TMCO5A: variants seen among roughly 807,000 people sequenced by gnomAD.
The protein encoded by TMCO5A is transmembrane and coiled-coil domains 5A, also known as transmembrane and coiled-coil domain-containing protein 5A.
A neutral mutation model predicts 42.3 loss-of-function variants in TMCO5A; 34 were observed. That is an observed-to-expected ratio of 0.80 (90% CI 0.61 to 1.07). The LOEUF (loss-of-function observed/expected upper bound fraction) is 1.07, where lower values mean the gene tolerates loss of function less well. Among genes scored for constraint, TMCO5A ranks in the 50% least tolerant of loss-of-function variants. The pLI, the probability that TMCO5A is intolerant of heterozygous loss-of-function variation, is 0.00. For synonymous variants in TMCO5A, 131 were observed against 115.6 expected (o/e 1.13, Z -0.86); for missense variants, 357 against 327.9 (o/e 1.09, Z -0.69).
chr15:37,967,882 G>T (rs9806760), downstream of TMCO5A, among the ~76,000 whole-genome samples: 2,065 of 152,222 alleles, frequency 0.014, 48 homozygotes, highest in East Asian at 0.054. Context: ...CACTGCCATT[G>T]CTTTGTGAGA....
chr15:37,961,968 A>G (rs1455447470), intron 11 of TMCO5A, among the ~76,000 whole-genome samples: 1 of 152,114 alleles, frequency 6.6e-6, no homozygotes, highest in Non-Finnish European at 1.5e-5. Flanking sequence ...AAGGTAAACA[A>G]TCATATCATC....
chr15:37,984,317 G>C, the TMCO5A span, among the ~76,000 whole-genome samples: 1 of 152,122 alleles, frequency 6.6e-6, no homozygotes, highest in African/African-American at 2.4e-5. Flanking sequence ...TCACAACTGG[G>C]AGACAGAGAA....
the TMCO5A span, among the ~76,000 whole-genome samples, chr15:37,980,207 G>C: frequency 4.0e-5 from 6 of 150,720 alleles, no homozygotes; most frequent in African/African-American, 1.5e-4. Context: ...GTGGAGGTAA[G>C]GCCTGCGGTC....
intron 6 of TMCO5A, among the ~76,000 whole-genome samples, 174 bp downstream of exon 6, chr15:37,938,403 T>C (rs572075032): frequency 4.7e-4 from 71 of 152,178 alleles, no homozygotes; most frequent in Middle Eastern, 3.4e-3. Flanking sequence ...GTAAGGAATG[T>C]CACTTTTTAG....
chr15:38,024,428 G>C, the TMCO5A span, among the ~76,000 whole-genome samples: 2 of 152,198 alleles, frequency 1.3e-5, no homozygotes, highest in African/African-American at 4.8e-5. Context: ...GTATAAGCAA[G>C]AGATGAAAAG....
chr15:37,968,099 C>T (rs559365509), downstream of TMCO5A, among the ~76,000 whole-genome samples: 4 of 152,328 alleles, frequency 2.6e-5, 1 homozygote, highest in East Asian at 5.8e-4. Context: ...GGATTTCATT[C>T]TTCAGTGCTA....
rs769083737 is a variant in TMCO5A, at chr15:37,951,190, T to A, written c.823T>A (p.Phe275Ile). Residue 275 changes from phenylalanine to isoleucine, a missense_variant, in exon 12 of 12, where the codon TTT becomes ATT. Physicochemically the swap from Phe to Ile is conservative, Grantham distance 21. Transcript: ENST00000319669. ...STLWKLRCFF[F>I]PSLTLETEDM... ...CTTGTGGAAGCTCAGATGCTTCTTC[T>A]TTCCATCTCTCACACTTGAGACAGA... 1 of 1,613,882 alleles carries A rather than the reference T, an allele frequency of 6.2e-7. No individual in the cohort carries two copies. Among genetic ancestry groups the A allele is most frequent in the Non-Finnish European group, 8.5e-7 (1 of 1,179,854 alleles).
At chr15:37,952,698 G>C (rs1890189076), downstream of TMCO5A, among the ~76,000 whole-genome samples, 1 of 152,178 alleles carries the variant, frequency 6.6e-6, no homozygotes, top group African/African-American at 2.4e-5. Flanking sequence ...AGAGGAAAAA[G>C]CAAAGTGGAC....
At chr15:37,958,331 AATCT>A (rs1890342498) in intron 11 of TMCO5A, among the ~76,000 whole-genome samples, 2 of 152,160 alleles carry the variant, frequency 1.3e-5, no homozygotes, top group Non-Finnish European at 1.5e-5. Flanking sequence ...AAATTTTTGC[AATCT>A]ATCTATCTGA....
the TMCO5A span, among the ~76,000 whole-genome samples, chr15:37,986,423 G>GTGTT: frequency 3.4e-5 from 5 of 147,038 alleles, no homozygotes; most frequent in Admixed American, 2.0e-4. Context: ...GTGTGTGTGT[G>GTGTT]TTTAAATCAA....
the TMCO5A span, among the ~76,000 whole-genome samples, chr15:37,976,210 A>G: frequency 6.7e-6 from 1 of 150,260 alleles, no homozygotes; most frequent in Admixed American, 6.7e-5. Context: ...GTACCACCGC[A>G]CTCCAGCCTG....
chr15:37,939,479 C>T (rs1348358641), intron 6 of TMCO5A, among the ~76,000 whole-genome samples: 1 of 152,092 alleles, frequency 6.6e-6, no homozygotes, highest in African/African-American at 2.4e-5. Context: ...CACTGATTTT[C>T]TTCCAAGATC....
At chr15:37,972,469 T>C (rs900553086), downstream of TMCO5A, among the ~76,000 whole-genome samples, 1 of 152,214 alleles carries the variant, frequency 6.6e-6, no homozygotes, top group Non-Finnish European at 1.5e-5. Flanking sequence ...TTTTTAATAA[T>C]AGCCATTCTG....
intron 2 of TMCO5A, 189 bp from the exon 3 acceptor site, chr15:37,936,125 C>T (rs557179916): frequency 3.9e-5 from 21 of 544,106 alleles, no homozygotes; most frequent in Non-Finnish European, 6.1e-5. Flanking sequence ...CCCTTGCTGA[C>T]TGAGCTGCGA....
chr15:37,950,962 T>A (rs913373904), intron 11 of TMCO5A, 74 bp from the exon 12 acceptor site: 97 of 1,327,680 alleles, frequency 7.3e-5, no homozygotes, highest in Non-Finnish European at 1.0e-4. Context: ...CAGATATGCA[T>A]TCAGGTATGA....
downstream of TMCO5A, among the ~76,000 whole-genome samples, chr15:37,955,473 T>C (rs115208570): frequency 2.0e-3 from 300 of 151,858 alleles, 2 homozygotes; most frequent in African/African-American, 6.7e-3. Context: ...CTTTAAACTG[T>C]TACAAATATC....
intron 11 of TMCO5A, among the ~76,000 whole-genome samples, chr15:37,962,769 AG>A (rs1366907939): frequency 3.3e-5 from 5 of 151,998 alleles, no homozygotes; most frequent in African/African-American, 4.8e-5. Flanking sequence ...TTAAGCTAGG[AG>A]GGTTGTATCT....
chr15:38,021,672 A>T, the TMCO5A span, among the ~76,000 whole-genome samples: 2 of 152,208 alleles, frequency 1.3e-5, no homozygotes, highest in African/African-American at 4.8e-5. Flanking sequence ...TCAATATAAA[A>T]ATCTAAAAAG....
intron 11 of TMCO5A, among the ~76,000 whole-genome samples, chr15:37,964,071 G>A (rs902251006): frequency 2.0e-5 from 3 of 152,092 alleles, no homozygotes; most frequent in African/African-American, 7.2e-5. Context: ...GTGTTAAAGA[G>A]CCTTGTTTTG....
Sources: allele counts gnomAD v4.1 joint callset (sites outside exome capture counted in the v4.1 genomes callset), GRCh38; gene constraint gnomAD v4.1.1; transcripts MANE v1.5; gene names NCBI Gene and HGNC (gene_info 2026-07-23, HGNC 2026-07-21).